The following FAM107B variants were observed in gnomAD, a reference collection of about 807,000 sequenced individuals.
FAM107B encodes protein FAM107B.
FAM107B carries 21 observed loss-of-function variants against 31.5 expected under a neutral mutation model. The observed-to-expected ratio is 0.67, with a 90% CI of 0.47 to 0.96. The LOEUF (loss-of-function observed/expected upper bound fraction) is 0.96, where lower values mean the gene tolerates loss of function less well. FAM107B is among the 40% of genes least tolerant of loss of function. The pLI is 0.00. For missense variants in FAM107B, 452 were observed against 377.1 expected (o/e 1.20, Z -1.64); for synonymous variants, 157 against 141.5 (o/e 1.11, Z -0.78).
chr10:14,556,223 G>T (rs1849687818), intron 2 of FAM107B: 2 of 358,770 alleles, frequency 5.6e-6, no homozygotes, highest in Admixed American at 6.4e-5. Context: ...AGCTTAAAGT[G>T]ACTTTCCAGA....
At chr10:14,649,522 CTTA>C (rs1853846363) in intron 2 of FAM107B, among the ~76,000 whole-genome samples, 1 of 152,184 alleles carries the variant, frequency 6.6e-6, no homozygotes. Flanking sequence ...TCCACAACTT[CTTA>C]TCTTAACCCA....
chr10:14,622,408 G>A (rs888078846), intron 2 of FAM107B, among the ~76,000 whole-genome samples: 2 of 151,298 alleles, frequency 1.3e-5, no homozygotes, highest in African/African-American at 4.9e-5. Flanking sequence ...CCCTGGTTCA[G>A]AGATTCTCCT....
At chr10:14,572,736 A>ATTATATATATATATATAT (rs1455058375) in intron 2 of FAM107B, among the ~76,000 whole-genome samples, 49 of 86,460 alleles carry the variant, frequency 5.7e-4, no homozygotes, top group African/African-American at 1.6e-3. Flanking sequence ...AAAAAAAAAA[A>ATTATATATATATATATAT]ATTTATATAT....
In FAM107B at chr10:14,520,953, C is replaced by T. The variant is rs1845568672; in HGVS notation, c.*237G>A. Reference sequence around the variant, plus strand: ...TTGTTGGTTCTGTTAAGTCTCTGAACACAGGTCCATCATTCCAACTTACGT... The same window carrying T: ...TTGTTGGTTCTGTTAAGTCTCTGAATACAGGTCCATCATTCCAACTTACGT... On this transcript the variant is annotated 3_prime_UTR_variant, in exon 5 of 5. Coordinates refer to ENST00000181796, the MANE Select transcript of FAM107B (RefSeq NM_031453.4). The T allele has an allele frequency of 8.9e-6, 4 of 447,346 alleles. No homozygotes were observed. Among genetic ancestry groups the T allele is most frequent in the Non-Finnish European group, 1.6e-5 (4 of 254,590 alleles). 27.7% of individuals were successfully genotyped at this position (447,346 alleles called of 1,614,324 possible).
At chr10:14,607,274 A>G (rs1314845283) in intron 2 of FAM107B, among the ~76,000 whole-genome samples, 1 of 152,228 alleles carries the variant, frequency 6.6e-6, no homozygotes, top group African/African-American at 2.4e-5. Flanking sequence ...CTTTGAATTT[A>G]TTAATTCAAA....
At chr10:14,576,145 G>C (rs559276944) in intron 2 of FAM107B, among the ~76,000 whole-genome samples, 3 of 152,326 alleles carry the variant, frequency 2.0e-5, no homozygotes, top group African/African-American at 7.2e-5. Context: ...TGATGAAAAA[G>C]TTCTGGAGAT....
intron 1 of FAM107B, among the ~76,000 whole-genome samples, chr10:14,692,049 G>A (rs1296435525): frequency 6.6e-6 from 1 of 152,128 alleles, no homozygotes; most frequent in Non-Finnish European, 1.5e-5. Context: ...TGGTGAAGAA[G>A]AGACAGTTAC....
intron 1 of FAM107B, among the ~76,000 whole-genome samples, chr10:14,732,985 ATATATCTAATAATTCTATAGAATACAC>A (rs1564278711): frequency 6.8e-6 from 1 of 146,758 alleles, no homozygotes; most frequent in Admixed American, 6.9e-5. Flanking sequence ...ATAGAATACA[ATATATCTAATAATTCTATAGAATACAC>A]TATATCTAAT....
intron 1 of FAM107B, among the ~76,000 whole-genome samples, chr10:14,694,088 T>C (rs1855209725): frequency 6.6e-6 from 1 of 152,240 alleles, no homozygotes; most frequent in Non-Finnish European, 1.5e-5. Context: ...GCTGTATGTA[T>C]ATACCACAGT....
At chr10:14,695,371 T>C (rs1855241170) in intron 1 of FAM107B, among the ~76,000 whole-genome samples, 1 of 152,240 alleles carries the variant, frequency 6.6e-6, no homozygotes, top group Admixed American at 6.5e-5. Context: ...TCTATGTTTA[T>C]GCCATTACCA....
chr10:14,546,584 C>T (rs1848717185), intron 2 of FAM107B, among the ~76,000 whole-genome samples: 1 of 152,188 alleles, frequency 6.6e-6, no homozygotes, highest in African/African-American at 2.4e-5. Context: ...TACCCATCTG[C>T]CTTTTTTAAA....
rs1845366172 is a variant in FAM107B at position 14,518,848 on chromosome 10, G to A, written c.*2342C>T. 1 of 152,574 alleles carries A rather than the reference G, an allele frequency of 6.6e-6. No homozygotes were observed. The highest frequency in any genetic ancestry group is 1.5e-5 in the Non-Finnish European group (1 of 68,038). The allele number at this position is 152,574 out of a possible 1,614,324, so 9.5% of individuals were successfully genotyped here. ...ACTATTTTAAGAAAACCACGCTGTGGAAAAATGGAGCCATTTTTGTCAAAA... is the reference window on the plus strand; with the variant it reads ...ACTATTTTAAGAAAACCACGCTGTGAAAAAATGGAGCCATTTTTGTCAAAA... On this transcript the variant is annotated 3_prime_UTR_variant, in exon 5 of 5. Transcript: ENST00000181796.
intron 2 of FAM107B, among the ~76,000 whole-genome samples, chr10:14,577,294 G>A (rs1298639214): frequency 1.3e-5 from 2 of 152,122 alleles, no homozygotes; most frequent in Admixed American, 6.5e-5. Context: ...GCATTCTATT[G>A]CTGGATTTTT....
chr10:14,633,354 A>C (rs1251718258), intron 2 of FAM107B, among the ~76,000 whole-genome samples: 1 of 152,208 alleles, frequency 6.6e-6, no homozygotes, highest in Non-Finnish European at 1.5e-5. Flanking sequence ...ACATATACAC[A>C]TAGACTCCTG....
At chr10:14,548,563 G>A (rs1259971075) in intron 2 of FAM107B, 13 of 985,312 alleles carry the variant, frequency 1.3e-5, no homozygotes, top group Non-Finnish European at 1.3e-5. Context: ...TCCTAGCCCT[G>A]CCTCAGCTGC....
rs377504039 is a variant in FAM107B, at chr10:14,744,164, C to T, written c.411+30089G>A. Among the ~76,000 whole-genome samples, 51 of 152,092 alleles carry T rather than the reference C, an allele frequency of 3.4e-4. No homozygotes were observed. The East Asian group carries it at 6.6e-3, about 20-fold the overall frequency. ...GCTCTCTGCTTGTCTATTGTTGGTG[C>T]ATAGGAATGCTTGTGATTTTTGCAC... On this transcript the variant is annotated intron_variant, in intron 1 of 4. Transcript: ENST00000181796.
At chr10:14,557,973 C>T (rs1395432927) in intron 2 of FAM107B, among the ~76,000 whole-genome samples, 1 of 152,240 alleles carries the variant, frequency 6.6e-6, no homozygotes, top group East Asian at 1.9e-4. Context: ...GATTTGGAGT[C>T]AGGCAAACTA....
chr10:14,530,363 G>A lies in FAM107B; in HGVS notation c.622C>T (p.Leu208Phe). Residue 208 changes from leucine to phenylalanine, a missense_variant, in exon 3 of 5, where the codon CTT (leucine) becomes TTT (phenylalanine). Physicochemically the swap from Leu to Phe is conservative, Grantham distance 22. Transcript: ENST00000181796. ...TGATTCATAAGAAGTTCTCTGTGAA[G>A]ATCTTGATGGTTCCGGGAGGTTTTT... ...PVKTSRNHQD[L>F]HRELLMNQKR... The A allele has an allele frequency of 6.2e-7, 1 of 1,613,812 alleles. No individual in the cohort carries two copies. Among genetic ancestry groups the A allele is most frequent in the Non-Finnish European group, 8.5e-7 (1 of 1,179,954 alleles).
chr10:14,684,513 C>A (rs1854925001), intron 1 of FAM107B, among the ~76,000 whole-genome samples: 1 of 152,078 alleles, frequency 6.6e-6, no homozygotes, highest in African/African-American at 2.4e-5. Context: ...AGCGTCCAGC[C>A]TCATGACCTA....
Sources: gnomAD v4.1 joint callset for allele counts (sites outside exome capture counted in the v4.1 genomes callset) on GRCh38, gnomAD v4.1.1 for gene constraint, MANE v1.5 for transcripts, NCBI Gene and HGNC (gene_info 2026-07-23, HGNC 2026-07-21) for gene names.